TENM3: variants seen among roughly 807,000 people sequenced by gnomAD.
The protein encoded by TENM3 is teneurin-3.
In TENM3, 63 loss-of-function variants were observed where a neutral mutation model predicts 255.1. The ratio of observed to expected loss-of-function variants is 0.25; its 90% CI spans 0.20 to 0.30. The LOEUF (loss-of-function observed/expected upper bound fraction) is 0.30, where lower values mean the gene tolerates loss of function less well. Among genes scored for constraint, TENM3 ranks in the 10% least tolerant of loss-of-function variants. TENM3 has a pLI of 1.00. For synonymous variants in TENM3, 1,306 were observed against 1,322.3 expected, an observed-to-expected ratio of 0.99 and a Z score of 0.27; for missense variants, 2,929 against 3,461.1, an observed-to-expected ratio of 0.85 and a Z score of 3.86.
At chr4:181,607,062 T>C in the TENM3 span, among the ~76,000 whole-genome samples, 133 of 152,306 alleles carry the variant, frequency 8.7e-4, no homozygotes, top group Middle Eastern at 0.017. Flanking sequence ...CAGAATGTTC[T>C]CACAACTTCC....
chr4:182,741,318 G>A (rs1039264444), intron 18 of TENM3, among the ~76,000 whole-genome samples: 8 of 152,220 alleles, frequency 5.3e-5, no homozygotes, highest in African/African-American at 1.4e-4. Flanking sequence ...GTGTCTAATT[G>A]AATAAACAAA....
intron 3 of TENM3, among the ~76,000 whole-genome samples, chr4:182,572,249 C>T (rs1744462057): frequency 6.6e-6 from 1 of 152,144 alleles, no homozygotes; most frequent in Non-Finnish European, 1.5e-5. Context: ...TCTTGAGTAG[C>T]AGAATTGCAC....
intron 3 of TENM3, among the ~76,000 whole-genome samples, chr4:182,505,319 C>CA (rs1420278567): frequency 6.8e-6 from 1 of 147,182 alleles, no homozygotes; most frequent in Non-Finnish European, 1.5e-5. Context: ...TAAAATTGTG[C>CA]AATACAGATC....
chr4:181,571,459 C>T, the TENM3 span, among the ~76,000 whole-genome samples: 45,181 of 151,920 alleles, frequency 0.3, 7,886 homozygotes, highest in African/African-American at 0.49. Flanking sequence ...TCTTCAGTCT[C>T]CTGAGTAGCT....
At chr4:182,278,102 C>A (rs967486279) in intron 1 of TENM3, among the ~76,000 whole-genome samples, 1 of 152,194 alleles carries the variant, frequency 6.6e-6, no homozygotes, top group African/African-American at 2.4e-5. Flanking sequence ...CACGGTGGCT[C>A]ACGCCTGTAA....
intron 22 of TENM3, among the ~76,000 whole-genome samples, chr4:182,764,711 A>G (rs1468245570): frequency 6.6e-6 from 1 of 152,160 alleles, no homozygotes; most frequent in East Asian, 1.9e-4. Flanking sequence ...GGGAGATAAG[A>G]TGAAACCAGG....
intron 22 of TENM3, among the ~76,000 whole-genome samples, chr4:182,760,009 G>C (rs765212153): frequency 2.9e-4 from 44 of 152,156 alleles, no homozygotes; most frequent in Non-Finnish European, 8.8e-5. Context: ...AAATCACTGA[G>C]TTAGACTAAT....
At chr4:182,541,262 G>A (rs1740853526) in intron 3 of TENM3, among the ~76,000 whole-genome samples, 1 of 152,090 alleles carries the variant, frequency 6.6e-6, no homozygotes, top group South Asian at 2.1e-4. Flanking sequence ...GCTATCTTAT[G>A]GGTTTGCAAT....
At chr4:181,482,027 T>C in the TENM3 span, among the ~76,000 whole-genome samples, 2 of 152,178 alleles carry the variant, frequency 1.3e-5, no homozygotes, top group African/African-American at 4.8e-5. Context: ...TTAGGAAGTA[T>C]TGATTGATAA....
chr4:182,300,879 C>CA, intron 1 of TENM3, among the ~76,000 whole-genome samples: 1 of 152,310 alleles, frequency 6.6e-6, no homozygotes, highest in Non-Finnish European at 1.5e-5. Flanking sequence ...TGATGAATTA[C>CA]AAAATAATTG....
chr4:181,750,341 C>T, the TENM3 span, among the ~76,000 whole-genome samples: 1 of 152,236 alleles, frequency 6.6e-6, no homozygotes, highest in African/African-American at 2.4e-5. Flanking sequence ...TTAGGGAAAG[C>T]TAAAGAAAAT....
intron 11 of TENM3, among the ~76,000 whole-genome samples, chr4:182,685,499 G>A (rs776360321): frequency 1.3e-4 from 20 of 152,012 alleles, no homozygotes; most frequent in Admixed American, 5.2e-4. Flanking sequence ...ATGTTAACTT[G>A]TTTTGTCCGC....
At chr4:181,836,105 C>CATCAATCA in the TENM3 span, among the ~76,000 whole-genome samples, 1 of 151,932 alleles carries the variant, frequency 6.6e-6, no homozygotes, top group Admixed American at 6.6e-5. Flanking sequence ...AAGTGACTCT[C>CATCAATCA]ATCAATCATT....
At chr4:182,279,436 G>T (rs562090190) in intron 1 of TENM3, among the ~76,000 whole-genome samples, 1 of 152,130 alleles carries the variant, frequency 6.6e-6, no homozygotes, top group Non-Finnish European at 1.5e-5. Flanking sequence ...ACATGTAGAT[G>T]ACATTTTGAG....
intron 5 of TENM3, among the ~76,000 whole-genome samples, chr4:182,647,508 C>T (rs916659251): frequency 1.3e-5 from 2 of 152,128 alleles, no homozygotes; most frequent in Non-Finnish European, 2.9e-5. Context: ...CTTCATTTAA[C>T]GTGAAGTCCT....
At position 182,759,326 on chromosome 4, in the gene TENM3, G is replaced by A. The variant is rs148232496; in HGVS notation, c.4892+4067G>A. ...GAAAAATAAATCAGAGATGTAGACA[G>A]GTCAGTGTTTATTTGCAGAGAAGAG... On this transcript the variant is annotated intron_variant, in intron 22 of 27. Transcript: ENST00000511685. Among the ~76,000 whole-genome samples the A allele has an allele frequency of 2.4e-4, 36 of 152,344 alleles. No homozygotes were observed. In the East Asian group the frequency reaches 6.4e-3, roughly 27 times the overall value.
chr4:181,867,910 A>G, the TENM3 span, among the ~76,000 whole-genome samples: 1 of 152,136 alleles, frequency 6.6e-6, no homozygotes, highest in Non-Finnish European at 1.5e-5. Context: ...TTAAAGTCCT[A>G]TTTAATAAAA....
chr4:182,098,421 G>A, the TENM3 span, among the ~76,000 whole-genome samples: 16 of 152,270 alleles, frequency 1.1e-4, 1 homozygote, highest in Admixed American at 5.9e-4. Flanking sequence ...TAGTCAAGAC[G>A]TGGAATCAAC....
intron 3 of TENM3, among the ~76,000 whole-genome samples, chr4:182,369,873 G>T (rs1031036595): frequency 4.6e-5 from 7 of 152,140 alleles, no homozygotes; most frequent in African/African-American, 1.7e-4. Context: ...GTGAAACTCT[G>T]TCTCAAAAAA....
Sources: gnomAD v4.1 joint callset for allele counts (sites outside exome capture counted in the v4.1 genomes callset) on GRCh38, gnomAD v4.1.1 for gene constraint, MANE v1.5 for transcripts, NCBI Gene and HGNC (gene_info 2026-07-23, HGNC 2026-07-21) for gene names.